The following TTC21B variants were observed in gnomAD, a reference collection of about 807,000 sequenced individuals.
The protein encoded by TTC21B is tetratricopeptide repeat domain 21B, also known as tetratricopeptide repeat protein 21B.
In TTC21B, 127 loss-of-function variants were observed where a neutral mutation model predicts 175.1. The ratio of observed to expected loss-of-function variants is 0.73; its 90% confidence interval spans 0.63 to 0.84. The LOEUF (loss-of-function observed/expected upper bound fraction) is 0.84. Among genes scored for constraint, TTC21B ranks in the 40% least tolerant of loss-of-function variants. TTC21B has a pLI of 0.00. For missense variants in TTC21B, 1,561 were observed against 1,558.3 expected (o/e 1.00, Z -0.03); for synonymous variants, 524 against 524.5 (o/e 1.00, Z 0.01).
chr2:165,883,884 C>G lies in TTC21B; in HGVS notation c.3594G>C (p.Lys1198Asn), dbSNP rs1684920781. The G allele has an allele frequency of 6.2e-7, 1 of 1,613,996 alleles. No homozygotes were observed. The highest frequency in any genetic ancestry group is 1.7e-5 in the Admixed American group (1 of 59,998). ...WNAIDAEEFE[K>N]SWLLLADIYI... Reference sequence around the variant, plus strand: ...AAATATCAGCAAGTAGCAGCCAACTCTTCTCAAACTCTTCAGCATCAATAG... The same window carrying G: ...AAATATCAGCAAGTAGCAGCCAACTGTTCTCAAACTCTTCAGCATCAATAG... Residue 1198 changes from lysine (K) to asparagine (N), a missense_variant, in exon 26 of 29, where the codon AAG becomes AAC. Lys to Asn is a moderately conservative substitution (Grantham distance 94). Transcript: ENST00000243344.
intron 25 of TTC21B, among the ~76,000 whole-genome samples, chr2:165,884,913 G>A (rs1684953572): frequency 6.6e-6 from 1 of 152,196 alleles, no homozygotes; most frequent in South Asian, 2.1e-4. Context: ...GGCCAGGAGG[G>A]CAGCTCATGT....
intron 28 of TTC21B, 152 bp from the exon 29 acceptor site, chr2:165,874,984 T>G (rs1684617819): frequency 1.5e-6 from 1 of 676,354 alleles, no homozygotes; most frequent in African/African-American, 1.8e-5. Context: ...GCATTTTAAA[T>G]GTAACATGAT....
intron 11 of TTC21B, among the ~76,000 whole-genome samples, chr2:165,925,650 G>C (rs943812368): frequency 6.6e-6 from 1 of 151,986 alleles, no homozygotes; most frequent in African/African-American, 2.4e-5. Flanking sequence ...GACTATTATT[G>C]CCTAGAATAC....
At chr2:165,934,967 C>A (rs758239897) in intron 6 of TTC21B, among the ~76,000 whole-genome samples, 2 of 152,156 alleles carry the variant, frequency 1.3e-5, no homozygotes, top group Non-Finnish European at 2.9e-5. Flanking sequence ...GCCAACACTT[C>A]CTAGATATCT....
In TTC21B at chr2:165,874,553, A is replaced by C. The variant is rs1684605078; in HGVS notation, c.*202T>G. On this transcript the variant is annotated 3_prime_UTR_variant, in exon 29 of 29. Coordinates refer to ENST00000243344, the MANE Select transcript of TTC21B (RefSeq NM_024753.5). ...GTACCCAATCAAAACAGAGTCAAATAGACCAGCTCTCATTCAACTCCATTA... is the reference window on the plus strand; with the variant it reads ...GTACCCAATCAAAACAGAGTCAAATCGACCAGCTCTCATTCAACTCCATTA... The C allele has an allele frequency of 3.6e-6, 2 of 548,806 alleles. No homozygotes were observed. The highest frequency in any genetic ancestry group is 3.2e-5 in the Admixed American group (1 of 31,730). The allele number at this position is 548,806 out of a possible 1,614,324, so 34.0% of individuals were successfully genotyped here.
intron 22 of TTC21B, among the ~76,000 whole-genome samples, chr2:165,896,192 T>C (rs1483861610): frequency 6.6e-6 from 1 of 152,084 alleles, no homozygotes; most frequent in Non-Finnish European, 1.5e-5. Context: ...GAAACACAGC[T>C]CTAGGACTTC....
chr2:165,936,535 T>C (rs1042721055), intron 6 of TTC21B, among the ~76,000 whole-genome samples: 9 of 151,982 alleles, frequency 5.9e-5, no homozygotes, highest in Non-Finnish European at 1.3e-4. Flanking sequence ...TTATCAGATA[T>C]AGATATATCT....
chr2:165,911,239 T>C (rs1220764099), intron 18 of TTC21B, 88 bp downstream of exon 18: 23 of 1,501,512 alleles, frequency 1.5e-5, no homozygotes, highest in Non-Finnish European at 1.8e-5. Flanking sequence ...AAATAAAATA[T>C]TGAGAATACA....
intron 22 of TTC21B, among the ~76,000 whole-genome samples, chr2:165,896,148 G>T (rs879944240): frequency 2.0e-5 from 3 of 152,162 alleles, no homozygotes; most frequent in African/African-American, 4.8e-5. Flanking sequence ...TAGGGCATCA[G>T]CCTGAGATGA....
At chr2:165,925,852 T>C (rs531112961) in intron 11 of TTC21B, among the ~76,000 whole-genome samples, 1 of 152,328 alleles carries the variant, frequency 6.6e-6, no homozygotes, top group East Asian at 1.9e-4. Context: ...TAAAAATATC[T>C]GTTTTTTTCA....
At chr2:165,952,623 G>A (rs188443566) in intron 1 of TTC21B, among the ~76,000 whole-genome samples, 2 of 152,256 alleles carry the variant, frequency 1.3e-5, no homozygotes, top group East Asian at 1.9e-4. Flanking sequence ...TCATTTGGGT[G>A]GCAGTGCAAA....
chr2:165,880,312 GAAGTA>G (rs560431841), intron 27 of TTC21B, among the ~76,000 whole-genome samples: 301 of 152,244 alleles, frequency 2.0e-3, no homozygotes, highest in African/African-American at 7.1e-3. Flanking sequence ...AAGGCTTTGA[GAAGTA>G]AAGAAACCTG....
chr2:165,888,613 T>G, intron 24 of TTC21B, 139 bp from the exon 25 acceptor site: 1 of 692,430 alleles, frequency 1.4e-6, no homozygotes, highest in Non-Finnish European at 2.5e-6. Flanking sequence ...TAATCTTTTG[T>G]AAAGAATGTC....
chr2:165,877,228 T>C (rs749773), intron 27 of TTC21B, among the ~76,000 whole-genome samples: 37,846 of 152,150 alleles, frequency 0.25, 5,296 homozygotes, highest in Middle Eastern at 0.41. Flanking sequence ...GTGTAAATAG[T>C]GCTCTTCAGC....
At chr2:165,925,912 G>A (rs1451255360) in intron 11 of TTC21B, among the ~76,000 whole-genome samples, 1 of 152,100 alleles carries the variant, frequency 6.6e-6, no homozygotes, top group African/African-American at 2.4e-5. Flanking sequence ...TTATGATAAT[G>A]TTCTTTGTCA....
At chr2:165,906,955 C>CAAAAAAAAAAAAAAAAAAAAAAAAAAA (rs1160627145) in intron 19 of TTC21B, among the ~76,000 whole-genome samples, 1 of 60,268 alleles carries the variant, frequency 1.7e-5, no homozygotes, top group African/African-American at 7.0e-5. Context: ...AACTCCGTCT[C>CAAAAAAAAAAAAAAAAAAAAAAAAAAA]AAAAAAAAAA....
chr2:165,929,684 AAAAATTCT>A lies in TTC21B; in HGVS notation c.1143_1150del (p.Glu382LysfsTer2). On this transcript the variant is annotated frameshift_variant, in exon 10 of 29. Transcript: ENST00000243344. LOFTEE classifies it high-confidence loss of function. ...TCCAATGGATTGCTGGATTTCATTT[AAAAATTCT>A]AGCTGCTGATCTGCATCCTGTAATT... 6.2e-7 allele frequency: 1 copy of A among 1,612,818 alleles called. No individual in the cohort carries two copies. The highest frequency in any genetic ancestry group is 8.5e-7 in the Non-Finnish European group (1 of 1,179,188).
intron 27 of TTC21B, among the ~76,000 whole-genome samples, chr2:165,879,412 C>T (rs1684770832): frequency 6.6e-6 from 1 of 152,148 alleles, no homozygotes; most frequent in Non-Finnish European, 1.5e-5. Context: ...TTGTGCTTTG[C>T]ACAAGTCTAG....
rs563597032 is a variant in TTC21B at position 165,904,617 on chromosome 2, T to A, written c.2569-2707A>T. Among the ~76,000 whole-genome samples the A allele has an allele frequency of 2.0e-5, 3 of 152,348 alleles. No individual in the cohort carries two copies. In the South Asian group the frequency reaches 6.2e-4, roughly 32 times the overall value. On this transcript the variant is annotated intron_variant, in intron 19 of 28. Coordinates refer to ENST00000243344, the MANE Select transcript of TTC21B (RefSeq NM_024753.5). Reference sequence around the variant, plus strand: ...AGCACAAAGGGTTAGGACTGAGGCATCTGCATTCCACTTCAAACTCTTCTA... The same window carrying A: ...AGCACAAAGGGTTAGGACTGAGGCAACTGCATTCCACTTCAAACTCTTCTA...
Sources: gnomAD v4.1 joint callset for allele counts (sites outside exome capture counted in the v4.1 genomes callset) on GRCh38, gnomAD v4.1.1 for gene constraint, MANE v1.5 for transcripts, NCBI Gene and HGNC (gene_info 2026-07-23, HGNC 2026-07-21) for gene names.